LOXHD1: variants seen among roughly 807,000 people sequenced by gnomAD.
LOXHD1 encodes lipoxygenase homology domain-containing protein 1.
Under a neutral mutation model 248.2 loss-of-function variants are expected in LOXHD1, and 205 were observed. The ratio of observed to expected loss-of-function variants is 0.83; its 90% CI spans 0.74 to 0.93. The LOEUF is 0.93. Ranked by LOEUF, LOXHD1 falls within the 40% of genes least tolerant of loss-of-function variation. The pLI is 0.00. For missense variants in LOXHD1, 2,930 were observed against 2,971.6 expected, an observed-to-expected ratio of 0.99 and a Z score of 0.33; for synonymous variants, 1,113 against 1,162.8, an observed-to-expected ratio of 0.96 and a Z score of 0.87.
At chr18:46,494,949 G>T (rs534192501) in intron 37 of LOXHD1, among the ~76,000 whole-genome samples, 10 of 147,884 alleles carry the variant, frequency 6.8e-5, no homozygotes, top group Non-Finnish European at 1.5e-4. Context: ...CGCCTCCCGG[G>T]TTCACGCCAT....
chr18:46,495,991 C>T (rs1003743842), intron 37 of LOXHD1, among the ~76,000 whole-genome samples: 4 of 152,088 alleles, frequency 2.6e-5, no homozygotes, highest in South Asian at 4.1e-4. Flanking sequence ...GAGATGGCGC[C>T]GCTGCACTCC....
At chr18:46,538,405 C>A in intron 25 of LOXHD1, 68 bp from the exon 26 acceptor site, 1 of 1,454,858 alleles carries the variant, frequency 6.9e-7, no homozygotes, top group East Asian at 2.5e-5. Context: ...TGGTGAGAGC[C>A]AGTTCTTCAC....
rs570998461 is a variant in LOXHD1 at position 46,568,558 on chromosome 18, C to T, written c.2244+884G>A. ...ATAATTTACTGTTGGTTCCAGCCAA[C>T]ACCTGAGGGTAGGGCTTCTGTCTGC... On this transcript the variant is annotated intron_variant, in intron 16 of 40. Transcript: ENST00000642948. Among the ~76,000 whole-genome samples the T allele has an allele frequency of 1.6e-4, 24 of 152,292 alleles. No individual in the cohort carries two copies. In the East Asian group the frequency reaches 4.6e-3, roughly 29 times the overall value.
intron 29 of LOXHD1, among the ~76,000 whole-genome samples, chr18:46,527,138 A>G (rs1483789414): frequency 6.6e-6 from 1 of 152,012 alleles, no homozygotes; most frequent in Non-Finnish European, 1.5e-5. Flanking sequence ...GAGAGAGGAA[A>G]AAAAAAAAAA....
chr18:46,566,224 C>A, intron 17 of LOXHD1, 33 bp downstream of exon 17: 1 of 1,524,876 alleles, frequency 6.6e-7, no homozygotes, highest in Non-Finnish European at 8.9e-7. Flanking sequence ...CCATGGGAAA[C>A]AATGGGTGGT....
At chr18:46,636,099 T>C (rs2038889401) in intron 4 of LOXHD1, among the ~76,000 whole-genome samples, 1 of 152,194 alleles carries the variant, frequency 6.6e-6, no homozygotes, top group Non-Finnish European at 1.5e-5. Context: ...TCCACAAAAC[T>C]GTGAGGCTGA....
intron 37 of LOXHD1, among the ~76,000 whole-genome samples, chr18:46,495,859 C>T (rs941846765): frequency 6.6e-6 from 1 of 152,092 alleles, no homozygotes; most frequent in East Asian, 1.9e-4. Flanking sequence ...TGGTGAAACC[C>T]TGTCTCTACT....
chr18:46,507,520 G>A lies in LOXHD1; in HGVS notation c.5692+18C>T. On this transcript the variant is annotated intron_variant, in intron 36 of 40. Coordinates refer to ENST00000642948, the MANE Select transcript of LOXHD1 (RefSeq NM_001384474.1). The stretch of plus-strand genomic sequence containing the variant: ...GGAGTGGTAAGGGAGCGGGAGGTGT[G>A]AGGGACCCCCGACCCACCCAGGATG... The A allele has an allele frequency of 4.5e-6, 7 of 1,551,558 alleles. No individual in the cohort carries two copies. Among genetic ancestry groups the A allele is most frequent in the African/African-American group, 1.4e-5 (1 of 73,168 alleles).
intron 39 of LOXHD1, among the ~76,000 whole-genome samples, chr18:46,484,675 GGAGA>G (rs995702904): frequency 5.1e-4 from 77 of 152,286 alleles, no homozygotes; most frequent in African/African-American, 1.6e-3. Flanking sequence ...CAGCAGTCCT[GGAGA>G]GAGTGAGGAG....
In LOXHD1 at chr18:46,631,290, A is replaced by C. The variant is rs770943018; in HGVS notation, c.511+8326T>G. Reference sequence around the variant, plus strand: ...TATTTCTTGGCAATGTATCCATCTCAAAACACCTGACAGCTACAACCCCCC... The same window carrying C: ...TATTTCTTGGCAATGTATCCATCTCCAAACACCTGACAGCTACAACCCCCC... On this transcript the variant is annotated intron_variant, in intron 4 of 40. Transcript: ENST00000642948. Among the ~76,000 whole-genome samples, 4 of 152,144 alleles carry C rather than the reference A, an allele frequency of 2.6e-5. 1 individual carries two copies. Among genetic ancestry groups the C allele is most frequent in the Admixed American group, 6.5e-5 (1 of 15,280 alleles).
intron 34 of LOXHD1, 121 bp downstream of exon 34, chr18:46,518,008 G>C: frequency 8.1e-7 from 1 of 1,239,326 alleles, no homozygotes; most frequent in South Asian, 1.3e-5. Flanking sequence ...CAAAGGCAGA[G>C]GAAGGAAGGC....
chr18:46,494,844 TC>T (rs1219432973), intron 37 of LOXHD1, among the ~76,000 whole-genome samples: 1 of 131,586 alleles, frequency 7.6e-6, no homozygotes, highest in African/African-American at 2.7e-5. Context: ...CCTTTTTCTC[TC>T]TCTCTTTTTT....
intron 3 of LOXHD1, among the ~76,000 whole-genome samples, chr18:46,640,332 A>G (rs1464618224): frequency 6.6e-6 from 1 of 152,184 alleles, no homozygotes; most frequent in Non-Finnish European, 1.5e-5. Context: ...CGCCTCTCCC[A>G]TTGCTGTGAG....
intron 35 of LOXHD1, among the ~76,000 whole-genome samples, chr18:46,508,507 C>A (rs2034731788): frequency 6.6e-6 from 1 of 152,144 alleles, no homozygotes; most frequent in South Asian, 2.1e-4. Flanking sequence ...TCTCTAGAGC[C>A]TTCAGAGGGA....
intron 4 of LOXHD1, among the ~76,000 whole-genome samples, chr18:46,627,903 T>C (rs2038765900): frequency 6.6e-6 from 1 of 152,206 alleles, no homozygotes; most frequent in Non-Finnish European, 1.5e-5. Flanking sequence ...TGCACTGTGA[T>C]TATCTACTGG....
chr18:46,587,522 T>C (rs182817299), intron 12 of LOXHD1, among the ~76,000 whole-genome samples: 21 of 152,342 alleles, frequency 1.4e-4, no homozygotes, highest in Admixed American at 3.3e-4. Context: ...GGAGCCCCTC[T>C]GAAACACCCC....
chr18:46,624,739 G>A (rs2038716676), intron 4 of LOXHD1, among the ~76,000 whole-genome samples: 1 of 152,094 alleles, frequency 6.6e-6, no homozygotes, highest in South Asian at 2.1e-4. Flanking sequence ...CCACACACAA[G>A]GCACTGGGAC....
At chr18:46,527,480 T>A in intron 29 of LOXHD1, among the ~76,000 whole-genome samples, 1 of 152,194 alleles carries the variant, frequency 6.6e-6, no homozygotes, top group African/African-American at 2.4e-5. Flanking sequence ...TAACTCAAAA[T>A]TAACTCTTTT....
At chr18:46,647,195 C>T (rs111316090) in intron 2 of LOXHD1, among the ~76,000 whole-genome samples, 1,910 of 152,278 alleles carry the variant, frequency 0.013, 32 homozygotes, top group African/African-American at 0.044. Context: ...CATGGGATCT[C>T]AGCAAAGCCA....
Sources: gnomAD v4.1 joint callset for allele counts (sites outside exome capture counted in the v4.1 genomes callset) on GRCh38, gnomAD v4.1.1 for gene constraint, MANE v1.5 for transcripts, NCBI Gene and HGNC (gene_info 2026-07-23, HGNC 2026-07-21) for gene names.